Variants in CHODL observed in about 807,000 individuals in gnomAD.
The protein encoded by CHODL is transmembrane protein MT75.
In CHODL, 29 loss-of-function variants were observed where a neutral mutation model predicts 34.5. That is an observed-to-expected ratio of 0.84 (90% CI 0.63 to 1.15). The LOEUF is 1.15. Ranked by LOEUF, CHODL falls within the 50% of genes most tolerant of loss-of-function variation. CHODL has a pLI of 0.00. For synonymous variants in CHODL, 125 were observed against 116.1 expected, an observed-to-expected ratio of 1.08 and a Z score of -0.49; for missense variants, 332 against 332.5, an observed-to-expected ratio of 1.00 and a Z score of 0.01.
chr21:18,248,006 T>C (rs1343910343), intron 1 of CHODL, among the ~76,000 whole-genome samples: 3 of 147,056 alleles, frequency 2.0e-5, no homozygotes, highest in African/African-American at 8.2e-5. Context: ...AAGTAATGTG[T>C]TTCTTTTTTT....
intron 2 of CHODL, among the ~76,000 whole-genome samples, chr21:18,211,920 G>A (rs964844550): frequency 4.6e-5 from 7 of 152,066 alleles, no homozygotes; most frequent in African/African-American, 1.7e-4. Flanking sequence ...ATATATGAGA[G>A]TCTATCTATT....
At chr21:18,051,982 A>G (rs750197973) in intron 2 of CHODL, among the ~76,000 whole-genome samples, 4 of 152,000 alleles carry the variant, frequency 2.6e-5, no homozygotes, top group Non-Finnish European at 5.9e-5. Flanking sequence ...TAAATTTGAT[A>G]AAGAATTGAG....
chr21:17,942,373 A>G (rs1249187452), intron 1 of CHODL, among the ~76,000 whole-genome samples: 1 of 152,096 alleles, frequency 6.6e-6, no homozygotes, highest in Non-Finnish European at 1.5e-5. Flanking sequence ...AATAAGTTTT[A>G]TGAGATCTGA....
intron 2 of CHODL, among the ~76,000 whole-genome samples, chr21:18,107,526 T>G (rs1333562478): frequency 6.6e-6 from 1 of 152,208 alleles, no homozygotes. Context: ...ATCTGTCCAT[T>G]TTGCTATAGT....
At chr21:17,990,810 G>A (rs1192847140) in intron 1 of CHODL, among the ~76,000 whole-genome samples, 1 of 151,966 alleles carries the variant, frequency 6.6e-6, no homozygotes, top group African/African-American at 2.4e-5. Context: ...TATTATTTGT[G>A]TTGGTTACAA....
chr21:18,247,519 G>A (rs903713336), intron 1 of CHODL, among the ~76,000 whole-genome samples: 1 of 151,932 alleles, frequency 6.6e-6, no homozygotes, highest in African/African-American at 2.4e-5. Flanking sequence ...AAAGTTTAGA[G>A]CATTACCTAA....
At position 18,245,146 on chromosome 21, in the gene CHODL, G is replaced by A. The variant is rs2074122444; in HGVS notation, c.-78G>A. On this transcript the variant is annotated 5_prime_UTR_variant, in exon 1 of 6. Coordinates refer to ENST00000299295, the MANE Select transcript of CHODL (RefSeq NM_024944.3). ...CCGGCAGGGAGGCAGGGAGGCTGCA[G>A]AGTCAGAGTCGCGGGCTGCGCCCTG... 1.1e-5 allele frequency: 14 copies of A among 1,254,230 alleles called. No homozygotes were observed. The highest frequency in any genetic ancestry group is 5.2e-5 in the Admixed American group (2 of 38,206). The allele number at this position is 1,254,230 out of a possible 1,614,324, so 77.7% of individuals were successfully genotyped here. A position where few individuals can be genotyped will look rare whatever the true frequency, so the allele number is the denominator to read the frequency against.
At chr21:18,180,700 A>G (rs564757398) in intron 2 of CHODL, among the ~76,000 whole-genome samples, 4 of 152,188 alleles carry the variant, frequency 2.6e-5, no homozygotes, top group Admixed American at 6.5e-5. Context: ...CAAATTCTAA[A>G]CGTGTGATCA....
chr21:18,256,396 G>A, intron 1 of CHODL, 113 bp from the exon 2 acceptor site: 2 of 1,014,834 alleles, frequency 2.0e-6, no homozygotes, highest in East Asian at 2.6e-5. Flanking sequence ...AGTGGGAGAA[G>A]CATTTCTGGT....
At chr21:18,144,158 G>A (rs945075763) in intron 2 of CHODL, among the ~76,000 whole-genome samples, 1 of 151,994 alleles carries the variant, frequency 6.6e-6, no homozygotes, top group Non-Finnish European at 1.5e-5. Context: ...TATACATAAA[G>A]CTTATTTTAC....
At chr21:18,225,982 A>C (rs1202060242) in intron 2 of CHODL, among the ~76,000 whole-genome samples, 2 of 152,200 alleles carry the variant, frequency 1.3e-5, no homozygotes, top group Non-Finnish European at 2.9e-5. Context: ...TACAGAGATA[A>C]TATACACCTC....
intron 2 of CHODL, among the ~76,000 whole-genome samples, chr21:18,031,541 TG>T (rs908000774): frequency 6.6e-6 from 1 of 151,916 alleles, no homozygotes; most frequent in Admixed American, 6.6e-5. Context: ...TAGATTTTTT[TG>T]GGGGGGAGAA....
chr21:18,134,735 A>T (rs1044114223), intron 2 of CHODL, among the ~76,000 whole-genome samples: 3 of 152,168 alleles, frequency 2.0e-5, no homozygotes, highest in African/African-American at 7.2e-5. Flanking sequence ...AGAGGAGGAG[A>T]TTGCAACTTA....
chr21:18,260,014 T>C (rs1435762409), intron 3 of CHODL, among the ~76,000 whole-genome samples, 186 bp from the exon 4 acceptor site: 4 of 152,194 alleles, frequency 2.6e-5, no homozygotes, highest in Non-Finnish European at 5.9e-5. Context: ...CAAAGAGAAT[T>C]AAATGTTGAC....
chr21:17,943,156 A>T (rs531767680), intron 1 of CHODL, among the ~76,000 whole-genome samples: 27 of 152,326 alleles, frequency 1.8e-4, no homozygotes, highest in Non-Finnish European at 3.7e-4. Flanking sequence ...AGAAGATTTG[A>T]TTAAAGTCCA....
At chr21:18,218,384 C>T (rs1386313528) in intron 2 of CHODL, among the ~76,000 whole-genome samples, 1 of 152,216 alleles carries the variant, frequency 6.6e-6, no homozygotes, top group African/African-American at 2.4e-5. Flanking sequence ...TGAACTGTAC[C>T]TTGTCCACTT....
At chr21:17,941,144 T>C (rs2063359565) in intron 1 of CHODL, among the ~76,000 whole-genome samples, 1 of 152,146 alleles carries the variant, frequency 6.6e-6, no homozygotes, top group Admixed American at 6.5e-5. Flanking sequence ...ACTTTTCTAA[T>C]ACTCATCTAC....
Position 17,940,606 on chromosome 21 carries a change from G to C in CHODL, c.-145+23206G>C, listed in dbSNP as rs112293418. Reference sequence around the variant, plus strand: ...TTCTGCTAATAGCTTTTCTTGACCTGGAGGGGAGTTACAAGTATGTTAGTT... The same window carrying C: ...TTCTGCTAATAGCTTTTCTTGACCTCGAGGGGAGTTACAAGTATGTTAGTT... On this transcript the variant is annotated intron_variant, in intron 1 of 6. Coordinates refer to the CHODL transcript ENST00000400127. 4.4e-3 allele frequency among the ~76,000 whole-genome samples: 672 copies of C among 152,312 alleles called. 8 individuals carry two copies. Among genetic ancestry groups the C allele is most frequent in the African/African-American group, 0.016 (646 of 41,564 alleles).
intron 2 of CHODL, among the ~76,000 whole-genome samples, chr21:18,123,808 C>A (rs2065509326): frequency 6.6e-6 from 1 of 152,110 alleles, no homozygotes; most frequent in Non-Finnish European, 1.5e-5. Flanking sequence ...CAAACCACAG[C>A]CCCAGCCCAT....
Sources: allele counts gnomAD v4.1 joint callset (sites outside exome capture counted in the v4.1 genomes callset), GRCh38; gene constraint gnomAD v4.1.1; transcripts MANE v1.5; gene names NCBI Gene and HGNC (gene_info 2026-07-23, HGNC 2026-07-21).